The following LOC128462377 variants were observed in gnomAD, a reference collection of about 807,000 sequenced individuals.
the LOC128462377 span, among the ~76,000 whole-genome samples, chr16:89,375,182 T>C: frequency 6.6e-6 from 1 of 152,150 alleles, no homozygotes. Context: ...CAGCCTGTGC[T>C]ACCGCGGTGA....
the LOC128462377 span, among the ~76,000 whole-genome samples, chr16:89,397,138 C>A: frequency 6.6e-6 from 1 of 152,086 alleles, no homozygotes; most frequent in Non-Finnish European, 1.5e-5. Flanking sequence ...CTGGCAAATG[C>A]CAGCAGACAT....
chr16:89,375,931 G>T, the LOC128462377 span, among the ~76,000 whole-genome samples: 1 of 152,152 alleles, frequency 6.6e-6, no homozygotes. Flanking sequence ...TGTGACTTTA[G>T]GAAAAGCTAA....
chr16:89,334,121 T>A, the LOC128462377 span, among the ~76,000 whole-genome samples: 2 of 104,920 alleles, frequency 1.9e-5, no homozygotes, highest in Non-Finnish European at 3.5e-5. Context: ...CCAGCCTGGG[T>A]AACATGATGA....
chr16:89,416,297 AT>A, the LOC128462377 span, among the ~76,000 whole-genome samples: 12 of 151,078 alleles, frequency 7.9e-5, no homozygotes, highest in African/African-American at 2.9e-4. Context: ...TTTTGAATCC[AT>A]CGATTTTTTT....
chr16:89,388,161 G>A, the LOC128462377 span, among the ~76,000 whole-genome samples: 1 of 152,076 alleles, frequency 6.6e-6, no homozygotes, highest in Non-Finnish European at 1.5e-5. Flanking sequence ...TAACCACAGT[G>A]AAATTATCTA....
At chr16:89,394,715 CAT>C in the LOC128462377 span, among the ~76,000 whole-genome samples, 5 of 152,062 alleles carry the variant, frequency 3.3e-5, no homozygotes, top group East Asian at 9.7e-4. Context: ...AGACTGCTTT[CAT>C]ATACAGGAGT....
At chr16:89,338,404 G>A in the LOC128462377 span, among the ~76,000 whole-genome samples, 1 of 139,202 alleles carries the variant, frequency 7.2e-6, no homozygotes, top group African/African-American at 2.7e-5. Flanking sequence ...TGGAAATCCT[G>A]TACTTAACAT....
chr16:89,388,661 G>A, the LOC128462377 span, among the ~76,000 whole-genome samples: 1 of 152,186 alleles, frequency 6.6e-6, no homozygotes, highest in East Asian at 1.9e-4. Flanking sequence ...GGAGCCCTGC[G>A]ATGAGCCGGG....
the LOC128462377 span, among the ~76,000 whole-genome samples, chr16:89,322,669 G>A: frequency 6.6e-6 from 1 of 150,708 alleles, no homozygotes; most frequent in Non-Finnish European, 1.5e-5. Context: ...CCTTGAGGGG[G>A]ACACTGGGGA....
chr16:89,363,773 T>C, the LOC128462377 span, among the ~76,000 whole-genome samples: 1 of 152,108 alleles, frequency 6.6e-6, no homozygotes. Flanking sequence ...AGTGGAGTGC[T>C]AGCCCTATGC....
chr16:89,324,199 C>A, the LOC128462377 span: 9 of 1,179,920 alleles, frequency 7.6e-6, no homozygotes, highest in Non-Finnish European at 9.6e-6. Context: ...GCACCGAGAG[C>A]GCGTTCAGCA....
the LOC128462377 span, among the ~76,000 whole-genome samples, chr16:89,325,467 T>TCA: frequency 3.3e-4 from 47 of 140,602 alleles, no homozygotes; most frequent in African/African-American, 1.2e-3. Context: ...TCTCTCTCTC[T>TCA]CTCACACACA....
the LOC128462377 span, among the ~76,000 whole-genome samples, chr16:89,365,303 ACCT>A: frequency 2.6e-5 from 4 of 152,008 alleles, no homozygotes; most frequent in Non-Finnish European, 4.4e-5. Context: ...TTGTGTCATC[ACCT>A]CCTGACGTTT....
At chr16:89,349,897 CACACACACACACACAT>C in the LOC128462377 span, among the ~76,000 whole-genome samples, 304 of 131,476 alleles carry the variant, frequency 2.3e-3, 1 homozygote, top group African/African-American at 5.7e-3. Context: ...CACACACACA[CACACACACACACACAT>C]ATTCAAACAA....
the LOC128462377 span, among the ~76,000 whole-genome samples, chr16:89,344,552 CCTT>C: frequency 3.9e-5 from 6 of 152,206 alleles, no homozygotes; most frequent in African/African-American, 1.4e-4. Flanking sequence ...AAAGGCTCCT[CCTT>C]GTCTGAACGC....
chr16:89,416,716 G>GCAA, the LOC128462377 span, among the ~76,000 whole-genome samples: 1 of 151,016 alleles, frequency 6.6e-6, no homozygotes, highest in Non-Finnish European at 1.5e-5. Context: ...GATTGCTTGA[G>GCAA]AGCAGGGGTT....
chr16:89,388,609 T>C, the LOC128462377 span, among the ~76,000 whole-genome samples: 6 of 152,112 alleles, frequency 3.9e-5, no homozygotes, highest in South Asian at 4.2e-4. Context: ...TGGAAAATAT[T>C]TGCACCTGAG....
the LOC128462377 span, among the ~76,000 whole-genome samples, chr16:89,338,616 T>G: frequency 1.4e-5 from 2 of 148,140 alleles, no homozygotes; most frequent in African/African-American, 5.0e-5. Flanking sequence ...TCCCAGCTAC[T>G]TGGGAGGCTG....
the LOC128462377 span, among the ~76,000 whole-genome samples, chr16:89,388,130 T>C: frequency 6.6e-6 from 1 of 152,004 alleles, no homozygotes; most frequent in Non-Finnish European, 1.5e-5. Flanking sequence ...GCTTCCCTAA[T>C]GCTAACATCA....
Sources: allele counts gnomAD v4.1 joint callset (sites outside exome capture counted in the v4.1 genomes callset), GRCh38; gene constraint gnomAD v4.1.1; transcripts MANE v1.5.